The following USP45 variants were observed in gnomAD, a reference collection of about 807,000 sequenced individuals.
USP45 encodes ubiquitin carboxyl-terminal hydrolase 45.
A neutral mutation model predicts 95.8 loss-of-function variants in USP45; 89 were observed. The ratio of observed to expected loss-of-function variants is 0.93; its 90% CI spans 0.78 to 1.11. The LOEUF (loss-of-function observed/expected upper bound fraction) is 1.11. Among genes scored for constraint, USP45 ranks in the 50% least tolerant of loss-of-function variants. USP45 has a pLI of 0.00. For synonymous variants in USP45, 281 were observed against 316.2 expected, an observed-to-expected ratio of 0.89 and a Z score of 1.18; for missense variants, 898 against 942.5, an observed-to-expected ratio of 0.95 and a Z score of 0.62.
chr6:99,463,695 C>G (rs1787104536), intron 13 of USP45, among the ~76,000 whole-genome samples: 1 of 150,936 alleles, frequency 6.6e-6, no homozygotes, highest in African/African-American at 2.4e-5. Flanking sequence ...GCCTGTACTC[C>G]CAGCTACTCA....
At chr6:99,490,081 A>T (rs770426108) in intron 5 of USP45, among the ~76,000 whole-genome samples, 16 of 152,216 alleles carry the variant, frequency 1.1e-4, no homozygotes, top group Non-Finnish European at 1.8e-4. Flanking sequence ...AAATTATGAT[A>T]ATTTGAAGTT....
At chr6:99,497,224 T>C (rs1796480511) in intron 5 of USP45, among the ~76,000 whole-genome samples, 1 of 152,140 alleles carries the variant, frequency 6.6e-6, no homozygotes, top group African/African-American at 2.4e-5. Context: ...TCTTGCATTA[T>C]ATATGACCTT....
chr6:99,448,804 C>A (rs1368259414), intron 13 of USP45, among the ~76,000 whole-genome samples: 3 of 152,186 alleles, frequency 2.0e-5, no homozygotes, highest in Non-Finnish European at 4.4e-5. Flanking sequence ...CAAAGGGAAA[C>A]CCATCAGACT....
Position 99,450,771 on chromosome 6 carries a change from T to C in USP45, c.1309-4308A>G, listed in dbSNP as rs1302807676. ...GACCAATATCCCTGATGAACATCGA[T>C]GCAAAAATCCTCAATAAAATACTGG... On this transcript the variant is annotated intron_variant, in intron 13 of 17. Transcript: ENST00000500704. Among the ~76,000 whole-genome samples, 5 of 152,180 alleles carry C rather than the reference T, an allele frequency of 3.3e-5. No homozygotes were observed. The East Asian group carries it at 5.8e-4, about 18-fold the overall frequency.
chr6:99,461,117 T>A (rs1180118495), intron 13 of USP45: 9 of 982,956 alleles, frequency 9.2e-6, no homozygotes, highest in Admixed American at 6.2e-5. Context: ...AAAAAAAAAA[T>A]CTTTCATAAA....
intron 8 of USP45, chr6:99,482,363 C>A (rs931021342): frequency 5.9e-6 from 1 of 168,714 alleles, no homozygotes; most frequent in African/African-American, 2.4e-5. Flanking sequence ...ATTTGCCTCA[C>A]AGCTCATCTT....
chr6:99,511,600 C>T (rs962894693), intron 1 of USP45, among the ~76,000 whole-genome samples: 2 of 151,918 alleles, frequency 1.3e-5, no homozygotes, highest in African/African-American at 4.8e-5. Flanking sequence ...CAGGTGCACA[C>T]CACAATGCCC....
chr6:99,465,805 A>G (rs1006508638), intron 11 of USP45, among the ~76,000 whole-genome samples: 5 of 152,218 alleles, frequency 3.3e-5, no homozygotes, highest in Admixed American at 6.5e-5. Context: ...TCTAAGTCAT[A>G]CACTTACAGA....
intron 9 of USP45, 67 bp downstream of exon 9, chr6:99,476,076 C>T (rs1420994633): frequency 6.8e-7 from 1 of 1,471,922 alleles, no homozygotes. Flanking sequence ...CCTTGGCCCC[C>T]CAATAATCCC....
chr6:99,466,767 T>TA lies in USP45; in HGVS notation c.1016-5dup. 1 of 1,610,340 alleles carries TA rather than the reference T, an allele frequency of 6.2e-7. No homozygotes were observed. Among genetic ancestry groups the TA allele is most frequent in the Non-Finnish European group, 8.5e-7 (1 of 1,177,264 alleles). Reference sequence around the variant, plus strand: ...TTCACACCTTCTTTTCCATATGCTGTAAAAATCATACTTTTTAATGCAAAA... The same window carrying TA: ...TTCACACCTTCTTTTCCATATGCTGTAAAAAATCATACTTTTTAATGCAAAA... On this transcript the variant is annotated splice_region_variant and splice_polypyrimidine_tract_variant and intron_variant, in intron 10 of 17. Transcript: ENST00000500704.
chr6:99,448,039 G>A (rs1234516068), intron 13 of USP45, among the ~76,000 whole-genome samples: 2 of 152,140 alleles, frequency 1.3e-5, no homozygotes, highest in Non-Finnish European at 2.9e-5. Flanking sequence ...AACCCCATCT[G>A]TCAGTCACCA....
At chr6:99,457,365 T>C (rs1157172413) in intron 13 of USP45, among the ~76,000 whole-genome samples, 3 of 152,182 alleles carry the variant, frequency 2.0e-5, no homozygotes, top group African/African-American at 7.2e-5. Flanking sequence ...TACCGACATG[T>C]GATGTCTCCC....
chr6:99,499,618 C>CA (rs1011351601), intron 5 of USP45, among the ~76,000 whole-genome samples: 1 of 152,140 alleles, frequency 6.6e-6, no homozygotes, highest in Non-Finnish European at 1.5e-5. Context: ...ATGTATCTCT[C>CA]AAACTTTGAA....
chr6:99,439,726 C>A, intron 16 of USP45, 43 bp downstream of exon 16: 1 of 1,340,378 alleles, frequency 7.5e-7, no homozygotes, highest in Non-Finnish European at 1.0e-6. Context: ...TACTTTCAAG[C>A]ATATTAATTT....
intron 5 of USP45, among the ~76,000 whole-genome samples, chr6:99,490,019 C>T (rs1298397493): frequency 1.3e-5 from 2 of 152,156 alleles, no homozygotes; most frequent in Non-Finnish European, 2.9e-5. Flanking sequence ...CAATTCCTAA[C>T]ATTTACTGAC....
At chr6:99,515,628 A>G (rs1801030376), upstream of USP45, 1 of 152,386 alleles carries the variant, frequency 6.6e-6, no homozygotes, top group Admixed American at 6.5e-5. Context: ...TCTAAGACTC[A>G]TAGCCACCGA....
At chr6:99,483,844 C>CAAAAAA (rs71276584) in intron 7 of USP45, among the ~76,000 whole-genome samples, 11 of 86,480 alleles carry the variant, frequency 1.3e-4, no homozygotes, top group African/African-American at 2.3e-4. Context: ...GACTCCGTCT[C>CAAAAAA]AAAAAAAAAA....
intron 7 of USP45, among the ~76,000 whole-genome samples, chr6:99,486,286 T>C (rs1262458818): frequency 6.6e-6 from 1 of 152,158 alleles, no homozygotes; most frequent in African/African-American, 2.4e-5. Flanking sequence ...AGATTCAAAA[T>C]TACCCTGTTA....
At chr6:99,497,051 T>C (rs1194637616) in intron 5 of USP45, among the ~76,000 whole-genome samples, 3 of 152,152 alleles carry the variant, frequency 2.0e-5, no homozygotes, top group Admixed American at 2.0e-4. Context: ...AGTAGTTTTA[T>C]TGCCCTAAAA....
Sources: gnomAD v4.1 joint callset for allele counts (sites outside exome capture counted in the v4.1 genomes callset) on GRCh38, gnomAD v4.1.1 for gene constraint, MANE v1.5 for transcripts, NCBI Gene and HGNC (gene_info 2026-07-23, HGNC 2026-07-21) for gene names.